Variants in KLF8 observed in about 807,000 individuals in gnomAD.
The protein encoded by KLF8 is KLF transcription factor 8, also known as Krueppel-like factor 8.
KLF8 carries 10 observed loss-of-function variants against 18.2 expected under a neutral mutation model. The observed-to-expected ratio is 0.55, with a 90% CI of 0.34 to 0.93. The LOEUF is 0.93. KLF8 is among the 40% of genes least tolerant of loss of function. The pLI is 0.02. For missense variants in KLF8, 264 were observed against 277.9 expected (o/e 0.95, Z 0.36); for synonymous variants, 109 against 97.3 (o/e 1.12, Z -0.71).
chrX:56,125,372 C>G, the KLF8 span, among the ~76,000 whole-genome samples: 1 of 111,521 alleles, frequency 9.0e-6, no homozygotes, highest in South Asian at 3.8e-4. Context: ...TGTGTCTGTC[C>G]TATACTAAAG....
At chrX:56,227,874 AACACACACACACACACACACAC>A, upstream of KLF8, among the ~76,000 whole-genome samples, 1 of 85,530 alleles carries the variant, frequency 1.2e-5, no homozygotes, top group South Asian at 6.7e-4. Flanking sequence ...CCCTAGCCCC[AACACACACACACACACACACAC>A]ACACACACAC....
the KLF8 span, among the ~76,000 whole-genome samples, chrX:56,160,826 G>A: frequency 1.8e-5 from 2 of 111,162 alleles, no homozygotes; most frequent in South Asian, 3.8e-4. Context: ...ACACTGATGG[G>A]TCTTGACTCT....
At chrX:56,029,772 G>T in the KLF8 span, among the ~76,000 whole-genome samples, 1 of 111,766 alleles carries the variant, frequency 8.9e-6, no homozygotes, top group Non-Finnish European at 1.9e-5. Context: ...AGACGTGAGC[G>T]ATTGGACTGG....
At chrX:56,188,038 C>T in the KLF8 span, among the ~76,000 whole-genome samples, 14 of 110,120 alleles carry the variant, frequency 1.3e-4, no homozygotes, top group African/African-American at 3.3e-4. Context: ...ATTAGGCAGG[C>T]GAAGGAAATA....
At chrX:55,948,172 G>A in the KLF8 span, among the ~76,000 whole-genome samples, 1 of 111,748 alleles carries the variant, frequency 8.9e-6, no homozygotes, top group South Asian at 3.8e-4. Context: ...TAACATTCTC[G>A]ACTCTTTACA....
chrX:56,129,236 A>T, the KLF8 span, among the ~76,000 whole-genome samples: 2 of 112,243 alleles, frequency 1.8e-5, no homozygotes, highest in African/African-American at 6.5e-5. Flanking sequence ...ATGAACTTTC[A>T]CTCAAAGAAC....
the KLF8 span, among the ~76,000 whole-genome samples, chrX:56,160,788 C>G: frequency 9.0e-6 from 1 of 111,094 alleles, no homozygotes; most frequent in Non-Finnish European, 1.9e-5. Flanking sequence ...TGTGTCTCTG[C>G]GCGTGAGATG....
upstream of KLF8, among the ~76,000 whole-genome samples, chrX:56,229,693 G>A (rs1246282680): frequency 3.6e-5 from 4 of 111,657 alleles, no homozygotes; most frequent in Non-Finnish European, 7.5e-5. Flanking sequence ...TAATTTGAGT[G>A]AGACAGAGGC....
the KLF8 span, among the ~76,000 whole-genome samples, chrX:56,018,965 A>G: frequency 9.0e-6 from 1 of 111,477 alleles, no homozygotes; most frequent in Admixed American, 9.6e-5. Context: ...CATATTTTTA[A>G]GGAATGAACT....
chrX:55,909,658 T>C, the KLF8 span, among the ~76,000 whole-genome samples: 1 of 112,667 alleles, frequency 8.9e-6, no homozygotes, highest in Admixed American at 9.3e-5. Context: ...TTCACTTTTA[T>C]TGTCTTCTGT....
chrX:56,147,583 C>A, the KLF8 span, among the ~76,000 whole-genome samples: 1 of 112,116 alleles, frequency 8.9e-6, no homozygotes, highest in South Asian at 3.7e-4. Flanking sequence ...TATAGAAATA[C>A]AAAGGAAATT....
the KLF8 span, among the ~76,000 whole-genome samples, chrX:55,932,365 TAC>T: frequency 9.0e-6 from 1 of 111,654 alleles, no homozygotes; most frequent in Non-Finnish European, 1.9e-5. Context: ...TTAGTCCATT[TAC>T]ATTTAAGATT....
chrX:55,957,192 T>A, the KLF8 span, among the ~76,000 whole-genome samples: 3 of 111,614 alleles, frequency 2.7e-5, no homozygotes, highest in Non-Finnish European at 5.7e-5. Flanking sequence ...GCAAATATCG[T>A]TTAACCATAT....
chrX:56,064,235 G>C, the KLF8 span, among the ~76,000 whole-genome samples: 1 of 108,145 alleles, frequency 9.2e-6, no homozygotes, highest in Non-Finnish European at 1.9e-5. Context: ...GACTCAGGAG[G>C]TATTATATTC....
chrX:56,102,813 G>T, the KLF8 span, among the ~76,000 whole-genome samples: 2 of 109,777 alleles, frequency 1.8e-5, no homozygotes, highest in Admixed American at 1.9e-4. Flanking sequence ...CAGGCTTGTT[G>T]CATATGTATA....
At chrX:56,117,953 A>AG in the KLF8 span, among the ~76,000 whole-genome samples, 1 of 111,438 alleles carries the variant, frequency 9.0e-6, no homozygotes, top group Non-Finnish European at 1.9e-5. Context: ...GTTTCTGGTG[A>AG]GGGCCCACTT....
At chrX:55,916,287 A>G in the KLF8 span, among the ~76,000 whole-genome samples, 1 of 111,915 alleles carries the variant, frequency 8.9e-6, no homozygotes, top group Non-Finnish European at 1.9e-5. Flanking sequence ...ACTTTGTAGT[A>G]ACTTCTTGTG....
At chrX:56,110,792 T>C in the KLF8 span, among the ~76,000 whole-genome samples, 1 of 112,186 alleles carries the variant, frequency 8.9e-6, no homozygotes, top group Non-Finnish European at 1.9e-5. Flanking sequence ...ATCTAATACA[T>C]TAACATGTAT....
At chrX:56,005,185 G>C in the KLF8 span, among the ~76,000 whole-genome samples, 1 of 110,568 alleles carries the variant, frequency 9.0e-6, no homozygotes, top group Non-Finnish European at 1.9e-5. Context: ...TGGGATTACA[G>C]GTGGTGGGAT....
Sources: gnomAD v4.1 joint callset for allele counts (sites outside exome capture counted in the v4.1 genomes callset) on GRCh38, gnomAD v4.1.1 for gene constraint, MANE v1.5 for transcripts, NCBI Gene and HGNC (gene_info 2026-07-23, HGNC 2026-07-21) for gene names.